PARD3B: variants seen among roughly 807,000 people sequenced by gnomAD.
The protein encoded by PARD3B is partitioning defective 3 homolog B.
PARD3B carries 103 observed loss-of-function variants against 130.2 expected under a neutral mutation model. That is an observed-to-expected ratio of 0.79 (90% CI 0.67 to 0.93). PARD3B has a LOEUF of 0.93. Ranked by LOEUF, PARD3B falls within the 40% of genes least tolerant of loss-of-function variation. The probability of loss-of-function intolerance (pLI) is 0.00; values close to 1 mark genes in which losing one functional copy is unlikely to be tolerated. For synonymous variants in PARD3B, 583 were observed against 553.2 expected (o/e 1.05, Z -0.76); for missense variants, 1,609 against 1,499.2 (o/e 1.07, Z -1.21).
rs1483244815 is a variant in PARD3B at position 205,585,995 on chromosome 2, C to T, written c.3261-29461C>T. Reference sequence around the variant, plus strand: ...AAGGCCAATGTGAGGAAATTCAAAACACAACAGCTTGACTTGGTTTTTCCA... The same window carrying T: ...AAGGCCAATGTGAGGAAATTCAAAATACAACAGCTTGACTTGGTTTTTCCA... On this transcript the variant is annotated intron_variant, in intron 22 of 22. Transcript: ENST00000406610. The surrounding 1 kb of genome is among the most constrained non-coding windows in gnomAD (Gnocchi z 5.4). 6.6e-6 allele frequency among the ~76,000 whole-genome samples: 1 copy of T among 152,186 alleles called. No individual in the cohort carries two copies. Among genetic ancestry groups the T allele is most frequent in the Non-Finnish European group, 1.5e-5 (1 of 68,044 alleles).
At position 205,615,463 on chromosome 2, in the gene PARD3B, C is replaced by A; in HGVS notation, c.3268C>A (p.Pro1090Thr). The A allele has an allele frequency of 6.3e-7, 1 of 1,593,402 alleles. No homozygotes were observed. Among genetic ancestry groups the A allele is most frequent in the South Asian group, 1.1e-5 (1 of 87,864 alleles). ...CTCTTCTTCTCTTTCCAGGGGAGGA[C>A]CCGCAGATCCTGTAGACTATCTGCC... The part of the protein sequence containing the change: ...RQYASLPRGG[P>T]ADPVDYLPAA... The change falls in exon 23 of 23, where the codon CCC becomes ACC. Residue 1090 changes from proline to threonine, a missense_variant. Transcript: ENST00000406610.
intron 2 of PARD3B, among the ~76,000 whole-genome samples, chr2:204,829,383 C>G (rs538021951): frequency 6.6e-6 from 1 of 152,314 alleles, no homozygotes; most frequent in Non-Finnish European, 1.5e-5. Flanking sequence ...AAAGTTATGA[C>G]TGGGATCCCA....
rs2040957906 is a variant in PARD3B, at chr2:205,276,574, A to G, written c.2186-23956A>G. Among the ~76,000 whole-genome samples the G allele has an allele frequency of 6.6e-6, 1 of 152,070 alleles. No individual in the cohort carries two copies. Among genetic ancestry groups the G allele is most frequent in the Non-Finnish European group, 1.5e-5 (1 of 68,010 alleles). On this transcript the variant is annotated intron_variant, in intron 16 of 22. Coordinates refer to ENST00000406610, the MANE Select transcript of PARD3B (RefSeq NM_001302769.2). This position sits in a 1 kb window ranked among gnomAD's most constrained non-coding sequence, Gnocchi z 5.0. ...GAGCGGGAGCAGCACCCACCATCTCACAAATGGCCCTTCTCGGCAACGTTG... is the reference window on the plus strand; with the variant it reads ...GAGCGGGAGCAGCACCCACCATCTCGCAAATGGCCCTTCTCGGCAACGTTG...
At chr2:205,001,585 C>T (rs933268677) in intron 3 of PARD3B, among the ~76,000 whole-genome samples, 12 of 152,166 alleles carry the variant, frequency 7.9e-5, no homozygotes, top group Non-Finnish European at 1.5e-4. Flanking sequence ...CTGGTTGGCA[C>T]GTGAGAGTGA....
intron 2 of PARD3B, among the ~76,000 whole-genome samples, chr2:204,910,495 A>G (rs1318504863): frequency 3.3e-5 from 5 of 152,246 alleles, no homozygotes; most frequent in Non-Finnish European, 5.9e-5. Flanking sequence ...AGCAAAAGCA[A>G]TTAAATATTG....
intron 2 of PARD3B, among the ~76,000 whole-genome samples, chr2:204,885,811 G>C (rs2046252197): frequency 6.6e-6 from 1 of 152,098 alleles, no homozygotes; most frequent in Non-Finnish European, 1.5e-5. Context: ...GTGAACTCTA[G>C]TTTTATATCC....
chr2:204,607,845 C>T (rs1418944221), intron 1 of PARD3B, among the ~76,000 whole-genome samples: 2 of 152,152 alleles, frequency 1.3e-5, no homozygotes, highest in African/African-American at 2.4e-5. Flanking sequence ...GGGAGTTTTA[C>T]AGCTGATCTA....
At position 205,525,873 on chromosome 2, in the gene PARD3B, G is replaced by A. The variant is rs959585567; in HGVS notation, c.3180+25842G>A. ...GGGTCCACGTTGTGTACCCAGTCCC[G>A]GGAAGGTGCAAGAAAATCTGATCCT... On this transcript the variant is annotated intron_variant, in intron 21 of 22. Coordinates refer to ENST00000406610, the MANE Select transcript of PARD3B (RefSeq NM_001302769.2). This position sits in a 1 kb window ranked among gnomAD's most constrained non-coding sequence, Gnocchi z 4.2. Among the ~76,000 whole-genome samples, 10 of 152,144 alleles carry A rather than the reference G, an allele frequency of 6.6e-5. No individual in the cohort carries two copies. The highest frequency in any genetic ancestry group is 8.8e-5 in the Non-Finnish European group (6 of 68,034).
intron 18 of PARD3B, among the ~76,000 whole-genome samples, chr2:205,370,594 T>C (rs2044775316): frequency 6.6e-6 from 1 of 152,180 alleles, no homozygotes; most frequent in African/African-American, 2.4e-5. Context: ...ATCTACCAAT[T>C]GCCAGGAGGA....
At chr2:204,736,430 A>G (rs902313400) in intron 2 of PARD3B, among the ~76,000 whole-genome samples, 3 of 151,492 alleles carry the variant, frequency 2.0e-5, no homozygotes, top group African/African-American at 7.3e-5. Flanking sequence ...CCCCCCTTTC[A>G]TCCTCCTCCT....
chr2:205,181,577 A>C (rs67322794), intron 13 of PARD3B, among the ~76,000 whole-genome samples: 47,773 of 152,116 alleles, frequency 0.31, 8,383 homozygotes, highest in South Asian at 0.4. Context: ...ACAAATAGGC[A>C]TGGCTATTCA....
chr2:205,533,884 C>T (rs2051716406), intron 21 of PARD3B, among the ~76,000 whole-genome samples: 1 of 152,118 alleles, frequency 6.6e-6, no homozygotes, highest in Non-Finnish European at 1.5e-5. Flanking sequence ...CACGCCACCA[C>T]ATGGGGCTAA....
intron 2 of PARD3B, among the ~76,000 whole-genome samples, chr2:204,822,832 A>C (rs1402582953): frequency 6.6e-6 from 1 of 152,180 alleles, no homozygotes; most frequent in African/African-American, 2.4e-5. Context: ...GGAGCTGCTT[A>C]TTTGAAATAA....
chr2:204,951,297 G>C (rs191687577), intron 2 of PARD3B, among the ~76,000 whole-genome samples: 1 of 152,078 alleles, frequency 6.6e-6, no homozygotes, highest in African/African-American at 2.4e-5. Context: ...ATGATATTAC[G>C]CCATGATTTT....
At chr2:204,806,946 T>A (rs1378246969) in intron 2 of PARD3B, among the ~76,000 whole-genome samples, 1 of 152,152 alleles carries the variant, frequency 6.6e-6, no homozygotes, top group African/African-American at 2.4e-5. Flanking sequence ...TACCCAAGAC[T>A]GGGTAATTTA....
intron 2 of PARD3B, among the ~76,000 whole-genome samples, chr2:204,737,927 G>T (rs1166934330): frequency 6.6e-6 from 1 of 152,034 alleles, no homozygotes; most frequent in Non-Finnish European, 1.5e-5. Flanking sequence ...ATAGATCTAT[G>T]TGCCTACTTT....
In PARD3B at chr2:204,606,769, A is replaced by C. The variant is rs1019444337; in HGVS notation, c.120+60650A>C. Among the ~76,000 whole-genome samples, 2 of 152,160 alleles carry C rather than the reference A, an allele frequency of 1.3e-5. No individual in the cohort carries two copies. Among genetic ancestry groups the C allele is most frequent in the Non-Finnish European group, 2.9e-5 (2 of 68,032 alleles). On this transcript the variant is annotated intron_variant, in intron 1 of 22. Transcript: ENST00000406610. This position sits in a 1 kb window ranked among gnomAD's most constrained non-coding sequence, Gnocchi z 4.0. ...TGCATGCACCTCATTAAGTTAATGG[A>C]ATTCAATTCAGTTAAGACTACTGAG... is the stretch of plus-strand genomic sequence containing the variant.
Position 205,005,784 on chromosome 2 carries a change from G to A in PARD3B, c.394+40461G>A, listed in dbSNP as rs543390101. Among the ~76,000 whole-genome samples the A allele has an allele frequency of 3.9e-5, 6 of 152,274 alleles. No individual in the cohort carries two copies. In the South Asian group the frequency reaches 1.2e-3, roughly 32 times the overall value. The stretch of plus-strand genomic sequence containing the variant: ...ACTTAATGATTTTGATCTTGTGTGT[G>A]TCAAAAAACATATCATGTTTTAAAA... On this transcript the variant is annotated intron_variant, in intron 3 of 22. Transcript: ENST00000406610.
chr2:204,825,361 A>C (rs1333096735), intron 2 of PARD3B, among the ~76,000 whole-genome samples: 1 of 152,216 alleles, frequency 6.6e-6, no homozygotes, highest in Non-Finnish European at 1.5e-5. Context: ...GGAAGCACAC[A>C]GTGGGAGGCA....
Sources: gnomAD v4.1 joint callset for allele counts (sites outside exome capture counted in the v4.1 genomes callset) on GRCh38, gnomAD v4.1.1 for gene constraint, Gnocchi (gnomAD v3.1) non-coding constraint, MANE v1.5 for transcripts, NCBI Gene and HGNC (gene_info 2026-07-23, HGNC 2026-07-21) for gene names.